NRG1: variants seen among roughly 807,000 people sequenced by gnomAD.
The protein encoded by NRG1 is neuregulin 1, also known as pro-neuregulin-1, membrane-bound isoform.
In NRG1, 18 loss-of-function variants were observed where a neutral mutation model predicts 63.8. The ratio of observed to expected loss-of-function variants is 0.28; its 90% CI spans 0.19 to 0.42. The LOEUF (loss-of-function observed/expected upper bound fraction) is 0.42. Among genes scored for constraint, NRG1 ranks in the 10% least tolerant of loss-of-function variants. NRG1 has a pLI of 1.00. For synonymous variants in NRG1, 302 were observed against 301.3 expected (o/e 1.00, Z -0.02); for missense variants, 762 against 814.7 (o/e 0.94, Z 0.79).
At chr8:32,072,958 T>C (rs527939718) in intron 1 of NRG1, among the ~76,000 whole-genome samples, 1 of 151,948 alleles carries the variant, frequency 6.6e-6, no homozygotes, top group African/African-American at 2.4e-5. Context: ...TGGGATGAAA[T>C]CATCTAAACC....
intron 5 of NRG1, among the ~76,000 whole-genome samples, chr8:32,716,822 G>A (rs1294041682): frequency 2.7e-4 from 3 of 10,942 alleles, no homozygotes; most frequent in East Asian, 9.7e-4. Context: ...GTGCATGTGC[G>A]TGTGTGTGTG....
intron 1 of NRG1, among the ~76,000 whole-genome samples, chr8:32,293,120 A>AAAAT: frequency 6.6e-6 from 1 of 152,100 alleles, no homozygotes; most frequent in Non-Finnish European, 1.5e-5. Context: ...AAAATAAAAT[A>AAAAT]AAATAAAATA....
chr8:32,043,019 C>A (rs1016764067), intron 1 of NRG1, among the ~76,000 whole-genome samples: 1 of 138,546 alleles, frequency 7.2e-6, no homozygotes, highest in South Asian at 2.4e-4. Context: ...TATATAAACA[C>A]CCTTATGTTT....
chr8:32,404,188 C>T (rs1012144334), intron 1 of NRG1, among the ~76,000 whole-genome samples: 2 of 152,134 alleles, frequency 1.3e-5, no homozygotes, highest in South Asian at 2.1e-4. Flanking sequence ...CTTGACATGC[C>T]TCTGAAAATG....
At chr8:32,173,212 A>G (rs895501891) in intron 1 of NRG1, among the ~76,000 whole-genome samples, 5 of 152,190 alleles carry the variant, frequency 3.3e-5, no homozygotes, top group African/African-American at 4.8e-5. Context: ...AAGAATTTTC[A>G]ACCCAGAATT....
chr8:32,071,935 G>A (rs1825807667), intron 1 of NRG1, among the ~76,000 whole-genome samples: 2 of 152,316 alleles, frequency 1.3e-5, no homozygotes, highest in South Asian at 4.1e-4. Context: ...AAGGCAGTTA[G>A]TAGACGAAGT....
chr8:31,806,771 A>T (rs1175048688), intron 1 of NRG1, among the ~76,000 whole-genome samples: 1 of 152,204 alleles, frequency 6.6e-6, no homozygotes, highest in African/African-American at 2.4e-5. Flanking sequence ...AATCAAGTAA[A>T]TTAAGTGATA....
intron 1 of NRG1, among the ~76,000 whole-genome samples, chr8:31,868,154 A>T (rs951699288): frequency 1.7e-4 from 12 of 70,212 alleles, no homozygotes; most frequent in East Asian, 2.9e-4. Flanking sequence ...TCTTACACAC[A>T]CACACACACA....
intron 1 of NRG1, among the ~76,000 whole-genome samples, chr8:32,055,727 C>CAT (rs77335616): frequency 0.4 from 59,956 of 150,076 alleles, 12,224 homozygotes; most frequent in East Asian, 0.65. Flanking sequence ...TTTAAAATAA[C>CAT]GTCTTTCTTA....
chr8:32,715,891 C>T (rs966862514), intron 5 of NRG1, among the ~76,000 whole-genome samples: 8 of 152,214 alleles, frequency 5.3e-5, no homozygotes, highest in African/African-American at 1.9e-4. Flanking sequence ...ATCTGCCTGC[C>T]TTGGCCTCCC....
chr8:32,422,958 T>A (rs991237188), intron 1 of NRG1, among the ~76,000 whole-genome samples: 29 of 152,220 alleles, frequency 1.9e-4, no homozygotes, highest in African/African-American at 6.8e-4. Flanking sequence ...TACTCTCTCA[T>A]TTACACTCTC....
At chr8:31,761,661 G>T (rs961365326) in intron 1 of NRG1, among the ~76,000 whole-genome samples, 9 of 152,078 alleles carry the variant, frequency 5.9e-5, no homozygotes, top group African/African-American at 2.2e-4. Flanking sequence ...CATTTGTTAA[G>T]TTGACCATCT....
intron 1 of NRG1, among the ~76,000 whole-genome samples, chr8:32,232,366 T>TA: frequency 6.6e-6 from 1 of 152,316 alleles, no homozygotes; most frequent in South Asian, 2.1e-4. Flanking sequence ...TTTCTCTGAT[T>TA]GTTCTACAGC....
chr8:32,175,300 A>G (rs189878176), intron 1 of NRG1, among the ~76,000 whole-genome samples: 1 of 152,190 alleles, frequency 6.6e-6, no homozygotes, highest in Non-Finnish European at 1.5e-5. Context: ...GCTAAAAACT[A>G]TCAATAAATT....
chr8:32,131,767 C>T (rs946862889), intron 1 of NRG1, among the ~76,000 whole-genome samples: 1 of 151,972 alleles, frequency 6.6e-6, no homozygotes. Context: ...TGATAAGGCA[C>T]CTAATGAGTA....
At chr8:31,639,619 C>T in intron 1 of NRG1, 1 of 1,409,512 alleles carries the variant, frequency 7.1e-7, no homozygotes, top group Non-Finnish European at 9.3e-7. Context: ...TCCTCCACCT[C>T]CACGTCCTCC....
intron 5 of NRG1, among the ~76,000 whole-genome samples, chr8:32,617,118 A>G (rs921644955): frequency 1.3e-5 from 2 of 152,168 alleles, no homozygotes; most frequent in African/African-American, 4.8e-5. Context: ...CAAATGTATC[A>G]GTTTTAGGGT....
chr8:32,571,229 C>T (rs1456909035), intron 1 of NRG1, among the ~76,000 whole-genome samples: 4 of 152,086 alleles, frequency 2.6e-5, no homozygotes, highest in South Asian at 4.1e-4. Context: ...TAATGGATGC[C>T]GGGCCCTATT....
chr8:32,144,809 A>T (rs902020068), intron 1 of NRG1, among the ~76,000 whole-genome samples: 1 of 151,738 alleles, frequency 6.6e-6, no homozygotes, highest in African/African-American at 2.4e-5. Flanking sequence ...AGATTCTTAG[A>T]CCTCCACTGG....
Sources: gnomAD v4.1 joint callset for allele counts (sites outside exome capture counted in the v4.1 genomes callset) on GRCh38, gnomAD v4.1.1 for gene constraint, MANE v1.5 for transcripts, NCBI Gene and HGNC (gene_info 2026-07-23, HGNC 2026-07-21) for gene names.